The following DCC variants were observed in gnomAD, a reference collection of about 807,000 sequenced individuals.
The protein encoded by DCC is DCC netrin 1 receptor, also known as netrin receptor DCC.
Under a neutral mutation model 172.5 loss-of-function variants are expected in DCC, and 58 were observed. That is an observed-to-expected ratio of 0.34 (90% CI 0.27 to 0.42). The LOEUF is 0.42. Ranked by LOEUF, DCC falls within the 10% of genes least tolerant of loss-of-function variation. DCC has a pLI of 1.00. For missense variants in DCC, 1,740 were observed against 1,791.0 expected, an observed-to-expected ratio of 0.97 and a Z score of 0.51; for synonymous variants, 709 against 644.5, an observed-to-expected ratio of 1.10 and a Z score of -1.52.
intron 5 of DCC, among the ~76,000 whole-genome samples, chr18:52,926,220 C>A (rs1214139021): frequency 3.3e-5 from 5 of 151,898 alleles, no homozygotes; most frequent in African/African-American, 1.2e-4. Flanking sequence ...GAAAATATAT[C>A]ATATGCTGAT....
intron 2 of DCC, among the ~76,000 whole-genome samples, chr18:52,888,398 C>T (rs9962340): frequency 2.9e-3 from 434 of 152,244 alleles, no homozygotes; most frequent in African/African-American, 0.01. Flanking sequence ...TGAAAATTAG[C>T]AGTTCAGCTT....
chr18:53,499,252 G>C, intron 26 of DCC, 46 bp from the exon 27 acceptor site: 1 of 1,599,556 alleles, frequency 6.3e-7, no homozygotes, highest in Non-Finnish European at 8.6e-7. Context: ...AAGGAAAACA[G>C]ACTTTGTCCA....
At chr18:53,345,127 A>G (rs1330209770) in intron 15 of DCC, among the ~76,000 whole-genome samples, 1 of 151,464 alleles carries the variant, frequency 6.6e-6, no homozygotes, top group African/African-American at 2.4e-5. Context: ...ATAATTTAAT[A>G]TAATTTTTAT....
At chr18:52,911,247 C>T (rs1292473223) in intron 3 of DCC, among the ~76,000 whole-genome samples, 1 of 151,886 alleles carries the variant, frequency 6.6e-6, no homozygotes, top group African/African-American at 2.4e-5. Flanking sequence ...TAACATAAGG[C>T]AGAGAAGGGC....
intron 27 of DCC, among the ~76,000 whole-genome samples, chr18:53,516,732 T>C (rs1184842148): frequency 6.8e-6 from 1 of 147,768 alleles, no homozygotes; most frequent in Non-Finnish European, 1.5e-5. Flanking sequence ...GAAATGCAAA[T>C]CAAAACCACA....
At chr18:52,659,327 A>G (rs2035314273) in intron 1 of DCC, among the ~76,000 whole-genome samples, 1 of 152,182 alleles carries the variant, frequency 6.6e-6, no homozygotes, top group Admixed American at 6.5e-5. Context: ...CACAAAGCAA[A>G]GAAAGGGGAC....
chr18:52,858,315 T>C (rs769179804), intron 2 of DCC, among the ~76,000 whole-genome samples: 12 of 152,188 alleles, frequency 7.9e-5, no homozygotes, highest in African/African-American at 1.2e-4. Flanking sequence ...TGTAGATCAT[T>C]GTAAGCAGCA....
At chr18:53,446,124 A>AAAAAAAAC (rs369426007) in intron 22 of DCC, among the ~76,000 whole-genome samples, 4,300 of 116,720 alleles carry the variant, frequency 0.037, 702 homozygotes, top group Non-Finnish European at 0.053. Flanking sequence ...ACAAAAAAAA[A>AAAAAAAAC]CACTTAAAAA....
At position 53,157,443 on chromosome 18, in the gene DCC, G is replaced by A. The variant is rs780738407; in HGVS notation, c.1349G>A (p.Arg450His). ...VSSRFVRLSW[R>H]PPAEAKGNIQ... is the part of the protein sequence containing the mutation. Reference sequence around the variant, plus strand: ...AGCCGATTTGTCCGTCTCAGCTGGCGCCCACCTGCAGAAGCGAAAGGGAAC... The same window carrying A: ...AGCCGATTTGTCCGTCTCAGCTGGCACCCACCTGCAGAAGCGAAAGGGAAC... The change falls in exon 8 of 29, where the codon CGC becomes CAC. Residue 450 changes from arginine to histidine, a missense_variant. Physicochemically the swap from Arg to His is conservative, Grantham distance 29. Transcript: ENST00000442544. 75 of 1,613,990 alleles carry A rather than the reference G, an allele frequency of 4.6e-5. No individual in the cohort carries two copies. Among genetic ancestry groups the A allele is most frequent in the Middle Eastern group, 3.3e-4 (2 of 6,084 alleles).
At position 52,415,742 on chromosome 18, in the gene DCC, C is replaced by T. The variant is rs142076475; in HGVS notation, c.91+74864C>T. Among the ~76,000 whole-genome samples, 370 of 152,104 alleles carry T rather than the reference C, an allele frequency of 2.4e-3. 2 individuals carry two copies. The highest frequency in any genetic ancestry group is 7.1e-3 in the African/African-American group (293 of 41,512). On this transcript the variant is annotated intron_variant, in intron 1 of 28. Coordinates refer to ENST00000442544, the MANE Select transcript of DCC (RefSeq NM_005215.4). ...TGAAGCCTGTTTATCATTTTTATTGCGTCTATTTGATTCTTCTCTCTTTTC... is the reference window on the plus strand; with the variant it reads ...TGAAGCCTGTTTATCATTTTTATTGTGTCTATTTGATTCTTCTCTCTTTTC...
chr18:53,193,103 A>G (rs567154921), intron 9 of DCC, among the ~76,000 whole-genome samples: 1 of 152,208 alleles, frequency 6.6e-6, no homozygotes, highest in African/African-American at 2.4e-5. Context: ...CTACCAATTG[A>G]TATCTCAACA....
intron 1 of DCC, among the ~76,000 whole-genome samples, chr18:52,454,911 A>G (rs1383700482): frequency 6.6e-6 from 1 of 152,204 alleles, no homozygotes; most frequent in Non-Finnish European, 1.5e-5. Flanking sequence ...ATGGCATACA[A>G]TTCCAGTATT....
Position 52,977,607 on chromosome 18 carries a change from C to A in DCC, c.985+52237C>A, listed in dbSNP as rs766313427. Reference sequence around the variant, plus strand: ...GCTTTCAAGAAAAGCATATCTGGGCCGGGCGCAGTGGCTCATGCCTGTAGT... The same window carrying A: ...GCTTTCAAGAAAAGCATATCTGGGCAGGGCGCAGTGGCTCATGCCTGTAGT... On this transcript the variant is annotated intron_variant, in intron 5 of 28. Transcript: ENST00000442544. Among the ~76,000 whole-genome samples, 4 of 152,038 alleles carry A rather than the reference C, an allele frequency of 2.6e-5. 1 individual carries two copies. The highest frequency in any genetic ancestry group is 5.9e-5 in the Non-Finnish European group (4 of 67,994).
chr18:52,713,693 G>T (rs1416496744), intron 1 of DCC, among the ~76,000 whole-genome samples: 1 of 152,116 alleles, frequency 6.6e-6, no homozygotes, highest in Non-Finnish European at 1.5e-5. Context: ...GGCAAGTTTT[G>T]AATTTCAGGT....
intron 5 of DCC, among the ~76,000 whole-genome samples, chr18:52,957,333 T>C (rs1390874495): frequency 1.3e-5 from 2 of 151,766 alleles, no homozygotes; most frequent in East Asian, 1.9e-4. Flanking sequence ...AATAGACATT[T>C]ATAAATAATT....
Position 53,378,073 on chromosome 18 carries a change from T to G in DCC, c.2360-7970T>G, listed in dbSNP as rs144284324. Among the ~76,000 whole-genome samples the G allele has an allele frequency of 4.6e-3, 707 of 152,292 alleles. 8 individuals are homozygous for G. Among genetic ancestry groups the G allele is most frequent in the African/African-American group, 0.016 (657 of 41,566 alleles). On this transcript the variant is annotated intron_variant, in intron 15 of 28. Coordinates refer to ENST00000442544, the MANE Select transcript of DCC (RefSeq NM_005215.4). Reference sequence around the variant, plus strand: ...GCGTCCTGGGTTCAAGTGATTCTTGTGCCTCAGCCTTCACAGTAGCTGGGA... The same window carrying G: ...GCGTCCTGGGTTCAAGTGATTCTTGGGCCTCAGCCTTCACAGTAGCTGGGA...
At chr18:52,651,829 G>A (rs1383209989) in intron 1 of DCC, among the ~76,000 whole-genome samples, 1 of 152,108 alleles carries the variant, frequency 6.6e-6, no homozygotes, top group Non-Finnish European at 1.5e-5. Flanking sequence ...ATAAACACCA[G>A]CTACCATGTT....
chr18:52,805,928 A>G (rs2038076161), intron 2 of DCC, among the ~76,000 whole-genome samples: 3 of 152,230 alleles, frequency 2.0e-5, no homozygotes, highest in Non-Finnish European at 4.4e-5. Context: ...AATTCACTGT[A>G]CCAAGAAATC....
chr18:52,640,492 G>A (rs1226164725), intron 1 of DCC, among the ~76,000 whole-genome samples: 1 of 152,068 alleles, frequency 6.6e-6, no homozygotes, highest in Non-Finnish European at 1.5e-5. Flanking sequence ...TCTTAGAACT[G>A]ATAAAAGAAT....
Sources: allele counts gnomAD v4.1 joint callset (sites outside exome capture counted in the v4.1 genomes callset), GRCh38; gene constraint gnomAD v4.1.1; transcripts MANE v1.5; gene names NCBI Gene and HGNC (gene_info 2026-07-23, HGNC 2026-07-21).